CARS1: variants seen among roughly 807,000 people sequenced by gnomAD.
The protein encoded by CARS1 is cysteine--tRNA ligase, cytoplasmic.
In CARS1, 48 loss-of-function variants were observed where a neutral mutation model predicts 106.2. The ratio of observed to expected loss-of-function variants is 0.45; its 90% CI spans 0.36 to 0.57. The LOEUF (loss-of-function observed/expected upper bound fraction) is 0.57. Among genes scored for constraint, CARS1 ranks in the 20% least tolerant of loss-of-function variants. The pLI is 0.00. For missense variants in CARS1, 968 were observed against 1,057.2 expected (o/e 0.92, Z 1.17); for synonymous variants, 409 against 403.4 (o/e 1.01, Z -0.17).
chr11:3,033,152 CTG>C (rs1390417704), intron 7 of CARS1, among the ~76,000 whole-genome samples: 2 of 150,958 alleles, frequency 1.3e-5, no homozygotes, highest in African/African-American at 4.9e-5. Context: ...TTTTAAGAAA[CTG>C]TATGAATAGG....
rs747606781 is a variant in CARS1, at chr11:3,047,848, T to A, written c.179A>T (p.Asp60Val). 31 of 1,613,136 alleles carry A rather than the reference T, an allele frequency of 1.9e-5. No homozygotes were observed. The highest frequency in any genetic ancestry group is 2.6e-5 in the Non-Finnish European group (31 of 1,179,800). The change falls in exon 2 of 23, where the codon GAC (aspartate) becomes GTC (valine). Residue 60 changes from aspartate to valine, a missense_variant. Transcript: ENST00000380525. ...CCGAGCCACGTGGAAGAGCTGGGGG[T>A]CAGCGGGCGGGGCCGAGAGCTGCCT... The part of the protein sequence containing the change: ...AFRQLSAPPA[D>V]PQLFHVARWF...
Position 3,028,754 on chromosome 11 carries a change from G to T in CARS1, c.1031+242C>A, listed in dbSNP as rs80872. 197,765 of 518,342 alleles carry T rather than the reference G, an allele frequency of 0.38. 42,056 individuals are homozygous for T. The highest frequency in any genetic ancestry group is 0.64 in the East Asian group (21,005 of 32,684). 32.1% of individuals were successfully genotyped at this position (518,342 alleles called of 1,614,324 possible). ...GGCCCCATGACTGATGGTCTTGGCT[G>T]CCGAGCTTCCCAGCAGATTCTGGGT... is the stretch of plus-strand genomic sequence containing the variant. On this transcript the variant is annotated intron_variant, in intron 9 of 22. Transcript: ENST00000380525. The surrounding 1 kb of genome is among the most constrained non-coding windows in gnomAD (Gnocchi z 4.4).
At position 3,043,201 on chromosome 11, in the gene CARS1, C is replaced by G. The variant is rs1455511500; in HGVS notation, c.275-945G>C. Among the ~76,000 whole-genome samples, 1 of 152,100 alleles carries G rather than the reference C, an allele frequency of 6.6e-6. No homozygotes were observed. Among genetic ancestry groups the G allele is most frequent in the Non-Finnish European group, 1.5e-5 (1 of 68,014 alleles). On this transcript the variant is annotated intron_variant, in intron 2 of 22. Transcript: ENST00000380525. This position sits in a 1 kb window ranked among gnomAD's most constrained non-coding sequence, Gnocchi z 4.0. ...ACTGCTTCCAGGCCTGGCTTCCAAC[C>G]TGGCACAAGGCTGTCCTTACACAAC...
Position 3,048,362 on chromosome 11 carries a change from G to A in CARS1, c.26-361C>T. On this transcript the variant is annotated intron_variant, in intron 1 of 22. Coordinates refer to ENST00000380525, the MANE Select transcript of CARS1 (RefSeq NM_001014437.3). This position sits in a 1 kb window ranked among gnomAD's most constrained non-coding sequence, Gnocchi z 5.1. ...ATTTTTAATTTATGTTTTCTATCAG[G>A]GAAAGCAGGAACACAGTTCCACACC... The A allele has an allele frequency of 5.2e-6, 1 of 193,286 alleles. No individual in the cohort carries two copies. The highest frequency in any genetic ancestry group is 1.0e-4 in the South Asian group (1 of 9,892). 12.0% of individuals were successfully genotyped at this position (193,286 alleles called of 1,614,324 possible). A position where few individuals can be genotyped will look rare whatever the true frequency, so the allele number is the denominator to read the frequency against.
intron 2 of CARS1, among the ~76,000 whole-genome samples, chr11:3,047,081 T>C (rs1488950016): frequency 6.6e-6 from 1 of 151,928 alleles, no homozygotes; most frequent in African/African-American, 2.4e-5. Context: ...ATCGAGACCA[T>C]CCTGGCTAAC....
At position 3,037,625 on chromosome 11, in the gene CARS1, C is replaced by T. The variant is rs1351911097; in HGVS notation, c.801+425G>A. Among the ~76,000 whole-genome samples the T allele has an allele frequency of 6.6e-6, 1 of 152,162 alleles. No individual in the cohort carries two copies. The highest frequency in any genetic ancestry group is 1.5e-5 in the Non-Finnish European group (1 of 68,020). ...AGGAGAGCTGGTCAACGTGAAGGCCCCAAGCTCAGTAGGTACCCACAGGCC... is the reference window on the plus strand; with the variant it reads ...AGGAGAGCTGGTCAACGTGAAGGCCTCAAGCTCAGTAGGTACCCACAGGCC... On this transcript the variant is annotated intron_variant, in intron 7 of 22. Coordinates refer to ENST00000380525, the MANE Select transcript of CARS1 (RefSeq NM_001014437.3). The surrounding 1 kb of genome is among the most constrained non-coding windows in gnomAD (Gnocchi z 5.9).
chr11:3,006,492 C>T (rs1849877767), intron 19 of CARS1, among the ~76,000 whole-genome samples: 1 of 152,250 alleles, frequency 6.6e-6, no homozygotes, highest in Admixed American at 6.5e-5. Context: ...AAAAAATTAA[C>T]TTTCTGTGGA....
Position 3,030,899 on chromosome 11 carries a change from G to A in CARS1, c.802-1456C>T, listed in dbSNP as rs981168247. 31 of 152,334 alleles carry A rather than the reference G, an allele frequency of 2.0e-4. 1 individual carries two copies. Among genetic ancestry groups the A allele is most frequent in the African/African-American group, 7.0e-4 (29 of 41,568 alleles). 9.4% of individuals were successfully genotyped at this position (152,334 alleles called of 1,614,324 possible). On this transcript the variant is annotated intron_variant, in intron 7 of 22. Coordinates refer to ENST00000380525, the MANE Select transcript of CARS1 (RefSeq NM_001014437.3). This position sits in a 1 kb window ranked among gnomAD's most constrained non-coding sequence, Gnocchi z 5.7. ...CTACTGAGTGACTGTTTCACTTCCT[G>A]TCTGAAGGAGAATTTGTGAACAGGA...
Position 3,034,756 on chromosome 11 carries a change from G to T in CARS1, c.801+3294C>A, listed in dbSNP as rs969773750. Among the ~76,000 whole-genome samples the T allele has an allele frequency of 1.3e-5, 2 of 150,972 alleles. No homozygotes were observed. The highest frequency in any genetic ancestry group is 2.4e-5 in the African/African-American group (1 of 40,952). ...TCACCATGTTGGCCAGGATGGTCTC[G>T]ATCTCCTGACCTCGTGATCTGCCCA... On this transcript the variant is annotated intron_variant, in intron 7 of 22. Coordinates refer to ENST00000380525, the MANE Select transcript of CARS1 (RefSeq NM_001014437.3). The surrounding 1 kb of genome is among the most constrained non-coding windows in gnomAD (Gnocchi z 6.3).
chr11:3,044,891 C>A lies in CARS1; in HGVS notation c.275-2635G>T, dbSNP rs1293289639. Among the ~76,000 whole-genome samples, 1 of 152,076 alleles carries A rather than the reference C, an allele frequency of 6.6e-6. No individual in the cohort carries two copies. Among genetic ancestry groups the A allele is most frequent in the Non-Finnish European group, 1.5e-5 (1 of 68,030 alleles). On this transcript the variant is annotated intron_variant, in intron 2 of 22. Transcript: ENST00000380525. The surrounding 1 kb of genome is among the most constrained non-coding windows in gnomAD (Gnocchi z 4.4). ...TGGCAAGCAGTCTGCCTACAACACA[C>A]CAGATGCAGATAGGACCCAAGCAAG...
chr11:3,024,704 T>A (rs1243942226), intron 10 of CARS1, among the ~76,000 whole-genome samples: 2 of 152,192 alleles, frequency 1.3e-5, no homozygotes, highest in Admixed American at 1.3e-4. Context: ...TGCCTCGGCC[T>A]CCCAAAGTGC....
At chr11:3,054,615 GC>G (rs1856013682) in intron 1 of CARS1, among the ~76,000 whole-genome samples, 1 of 152,206 alleles carries the variant, frequency 6.6e-6, no homozygotes, top group South Asian at 2.1e-4. Context: ...GAGTCAGGCT[GC>G]CCAGGTTGGG....
intron 19 of CARS1, 22 bp downstream of exon 19, chr11:3,006,857 C>A (rs752005133): frequency 1.2e-6 from 2 of 1,604,030 alleles, no homozygotes; most frequent in Non-Finnish European, 1.7e-6. Context: ...AACTTTGTAG[C>A]AAACAGCAAG....
intron 1 of CARS1, among the ~76,000 whole-genome samples, chr11:3,055,427 C>T (rs1225379056): frequency 3.3e-5 from 5 of 152,240 alleles, no homozygotes; most frequent in Admixed American, 6.5e-5. Context: ...AGGTGTGAGC[C>T]ACTGCGCCTG....
intron 1 of CARS1, among the ~76,000 whole-genome samples, chr11:3,049,754 A>C (rs528196387): frequency 1.3e-5 from 2 of 152,354 alleles, no homozygotes; most frequent in African/African-American, 4.8e-5. Flanking sequence ...TGCACATCAC[A>C]GTCCCCCTCT....
intron 22 of CARS1, among the ~76,000 whole-genome samples, chr11:3,001,606 G>A (rs532974525): frequency 5.9e-5 from 9 of 152,344 alleles, no homozygotes; most frequent in African/African-American, 2.2e-4. Flanking sequence ...GGAGGCAGTG[G>A]CTGTGAATCG....
rs771694594 is a variant in CARS1 at position 3,037,567 on chromosome 11, T to C, written c.801+483A>G. Reference sequence around the variant, plus strand: ...AGGGTCCCCTCTGCACCCAGGTCTCTGCCCTGTGTCTGAAGGAGATATTGG... The same window carrying C: ...AGGGTCCCCTCTGCACCCAGGTCTCCGCCCTGTGTCTGAAGGAGATATTGG... On this transcript the variant is annotated intron_variant, in intron 7 of 22. Transcript: ENST00000380525. The surrounding 1 kb of genome is among the most constrained non-coding windows in gnomAD (Gnocchi z 5.9). Among the ~76,000 whole-genome samples the C allele has an allele frequency of 6.6e-5, 10 of 152,144 alleles. No individual in the cohort carries two copies. The highest frequency in any genetic ancestry group is 1.3e-4 in the Non-Finnish European group (9 of 68,008).
Position 3,019,230 on chromosome 11 carries a change from G to A in CARS1, c.1304C>T (p.Ala435Val). The A allele has an allele frequency of 6.7e-7, 1 of 1,486,580 alleles. No individual in the cohort carries two copies. Among genetic ancestry groups the A allele is most frequent in the Non-Finnish European group, 9.0e-7 (1 of 1,115,000 alleles). The allele number at this position is 1,486,580 out of a possible 1,614,324, so 92.1% of individuals were successfully genotyped here. A position where few individuals can be genotyped will look rare whatever the true frequency, so the allele number is the denominator to read the frequency against. ...PGWHIECSAM[A>V]GTLLGASMDI... is the part of the protein sequence containing the mutation. The stretch of plus-strand genomic sequence containing the variant: ...CATCGAAGCCCCTAGGAGGGTGCCT[G>A]CCATGGCCGAGCACTCGATATGCCA... Residue 435 changes from alanine (A) to valine (V), a missense_variant, in exon 12 of 23, where the codon GCA (alanine) becomes GTA (valine). Ala to Val is a moderately conservative substitution (Grantham distance 64). Coordinates refer to ENST00000380525, the MANE Select transcript of CARS1 (RefSeq NM_001014437.3). The surrounding 1 kb of genome is among the most constrained non-coding windows in gnomAD (Gnocchi z 6.2).
Position 3,018,442 on chromosome 11 carries a change from A to G in CARS1, c.1595T>C (p.Met532Thr). 6.2e-7 allele frequency: 1 copy of G among 1,614,088 alleles called. No homozygotes were observed. The highest frequency in any genetic ancestry group is 8.5e-7 in the Non-Finnish European group (1 of 1,179,946). ...KDTLDYSSNT[M>T]ESALQYEKFL... ...CTTCTCATATTGAAGCGCTGACTCC[A>G]TGGTGTTGCTGGAGTAGTCCAGGGT... The change falls in exon 14 of 23, where the codon ATG (methionine) becomes ACG (threonine). Residue 532 changes from methionine to threonine, a missense_variant. Coordinates refer to ENST00000380525, the MANE Select transcript of CARS1 (RefSeq NM_001014437.3).
Sources: allele counts gnomAD v4.1 joint callset (sites outside exome capture counted in the v4.1 genomes callset), GRCh38; gene constraint gnomAD v4.1.1; non-coding constraint Gnocchi (gnomAD v3.1); transcripts MANE v1.5; gene names NCBI Gene and HGNC (gene_info 2026-07-23, HGNC 2026-07-21).